The following CEP112 variants were observed in gnomAD, a reference collection of about 807,000 sequenced individuals.
CEP112 encodes centrosomal protein of 112 kDa.
A neutral mutation model predicts 153.0 loss-of-function variants in CEP112; 127 were observed. The ratio of observed to expected loss-of-function variants is 0.83; its 90% confidence interval spans 0.72 to 0.96. The LOEUF is 0.96. Ranked by LOEUF, CEP112 falls within the 40% of genes least tolerant of loss-of-function variation. CEP112 has a pLI of 0.00. For synonymous variants in CEP112, 358 were observed against 374.4 expected, an observed-to-expected ratio of 0.96 and a Z score of 0.51; for missense variants, 1,089 against 1,101.2, an observed-to-expected ratio of 0.99 and a Z score of 0.16.
chr17:65,685,415 T>C (rs2047730822), intron 24 of CEP112, among the ~76,000 whole-genome samples: 1 of 152,174 alleles, frequency 6.6e-6, no homozygotes, highest in African/African-American at 2.4e-5. Flanking sequence ...CCAGTTTCAA[T>C]TTTGATTCCT....
intron 10 of CEP112, among the ~76,000 whole-genome samples, chr17:66,065,469 G>C (rs1264966705): frequency 6.6e-6 from 1 of 151,606 alleles, no homozygotes. Flanking sequence ...CCATTACCAG[G>C]CTACTCCTCC....
intron 10 of CEP112, 31 bp from the exon 11 acceptor site, chr17:66,063,112 C>A: frequency 9.1e-7 from 1 of 1,098,606 alleles, no homozygotes; most frequent in Non-Finnish European, 1.3e-6. Context: ...ATAGTTAAAC[C>A]AATTCTAGGT....
At position 66,063,006 on chromosome 17, in the gene CEP112, CAT is replaced by C; in HGVS notation, c.1029_1030del (p.Ile343MetfsTer2). 1 of 1,600,016 alleles carries C rather than the reference CAT, an allele frequency of 6.2e-7. No individual in the cohort carries two copies. Among genetic ancestry groups the C allele is most frequent in the Non-Finnish European group, 8.5e-7 (1 of 1,173,308 alleles). ...ATTTAGAGATTCCGTACTTTGTTCA[CAT>C]ATCTTTTTCAGCTCTGCAATCTGGT... On this transcript the variant is annotated frameshift_variant, in exon 11 of 27. Transcript: ENST00000535342. LOFTEE classifies it high-confidence loss of function.
intron 19 of CEP112, among the ~76,000 whole-genome samples, chr17:65,917,163 C>T (rs992735349): frequency 6.6e-6 from 1 of 152,046 alleles, no homozygotes; most frequent in African/African-American, 2.4e-5. Flanking sequence ...GGTGCTTATT[C>T]AAAGAAGTAA....
rs2070937325 is a variant in CEP112, at chr17:66,146,779, C to T, written c.471-14016G>A. Among the ~76,000 whole-genome samples the T allele has an allele frequency of 4.6e-5, 7 of 152,100 alleles. No homozygotes were observed. In the South Asian group the frequency reaches 1.4e-3, roughly 31 times the overall value. ...TTAAACGGTATCTGTCTTTTTGTGA[C>T]TGGTTTATTCACTTAGCATAATGTC... On this transcript the variant is annotated intron_variant, in intron 4 of 26. Transcript: ENST00000535342.
intron 12 of CEP112, among the ~76,000 whole-genome samples, chr17:66,036,740 C>T (rs2065756426): frequency 6.6e-6 from 1 of 152,158 alleles, no homozygotes; most frequent in African/African-American, 2.4e-5. Flanking sequence ...AAACCTATTC[C>T]ACTGCATTAC....
intron 21 of CEP112, chr17:65,826,588 G>C (rs1326636429): frequency 2.4e-6 from 3 of 1,244,892 alleles, no homozygotes; most frequent in Admixed American, 8.3e-5. Context: ...TTGTGATTCT[G>C]GTCTCCCAGG....
At chr17:65,898,462 AG>A (rs1263789074) in intron 20 of CEP112, among the ~76,000 whole-genome samples, 2 of 152,176 alleles carry the variant, frequency 1.3e-5, no homozygotes, top group Non-Finnish European at 2.9e-5. Context: ...TTTTCTAAGT[AG>A]AAAAGAATTA....
chr17:66,129,713 C>G, intron 6 of CEP112, 33 bp downstream of exon 6: 1 of 1,414,828 alleles, frequency 7.1e-7, no homozygotes, highest in Non-Finnish European at 9.9e-7. Context: ...TTTGACACAT[C>G]TATATATACA....
chr17:66,137,786 C>A (rs1317794461), intron 4 of CEP112, among the ~76,000 whole-genome samples: 1 of 152,022 alleles, frequency 6.6e-6, no homozygotes, highest in Non-Finnish European at 1.5e-5. Flanking sequence ...GAGTTCATCA[C>A]CACTACACTT....
At chr17:65,816,341 G>T (rs565766108) in intron 21 of CEP112, among the ~76,000 whole-genome samples, 2 of 151,998 alleles carry the variant, frequency 1.3e-5, no homozygotes, top group East Asian at 3.9e-4. Flanking sequence ...TTGGTTACAT[G>T]AATAAGTTCT....
At chr17:65,722,327 C>A (rs1262791776) in intron 23 of CEP112, among the ~76,000 whole-genome samples, 1 of 152,160 alleles carries the variant, frequency 6.6e-6, no homozygotes, top group African/African-American at 2.4e-5. Flanking sequence ...TGGCTCACTG[C>A]AATCTCTGCC....
intron 21 of CEP112, among the ~76,000 whole-genome samples, chr17:65,828,760 C>A (rs1430007671): frequency 2.0e-5 from 3 of 151,884 alleles, no homozygotes; most frequent in African/African-American, 7.3e-5. Context: ...TCTTTGCACT[C>A]CTGGAATAAA....
intron 21 of CEP112, among the ~76,000 whole-genome samples, chr17:65,842,455 G>A (rs1350807596): frequency 6.6e-6 from 1 of 152,090 alleles, no homozygotes; most frequent in Non-Finnish European, 1.5e-5. Flanking sequence ...GGAGAAAGAG[G>A]AAAAGATTAT....
At chr17:65,659,682 G>C (rs2143796818) in intron 24 of CEP112, among the ~76,000 whole-genome samples, 1 of 152,222 alleles carries the variant, frequency 6.6e-6, no homozygotes, top group East Asian at 1.9e-4. Flanking sequence ...AGAATTTTTT[G>C]TTCAATTAAA....
rs1309509422 is a variant in CEP112 at position 66,081,921 on chromosome 17, A to G, written c.769-11920T>C. On this transcript the variant is annotated intron_variant, in intron 8 of 26. Transcript: ENST00000535342. ...CAGAGCAAGACTCCATCTCAGGGGGAAAAAAAGGCCTACTTGGCATTACAC... is the reference window on the plus strand; with the variant it reads ...CAGAGCAAGACTCCATCTCAGGGGGGAAAAAAGGCCTACTTGGCATTACAC... Among the ~76,000 whole-genome samples the G allele has an allele frequency of 9.9e-5, 15 of 152,176 alleles. No homozygotes were observed. In the East Asian group the frequency reaches 2.3e-3, roughly 24 times the overall value.
intron 24 of CEP112, among the ~76,000 whole-genome samples, chr17:65,660,473 TCC>T: frequency 2.7e-4 from 6 of 21,980 alleles, no homozygotes; most frequent in Non-Finnish European, 3.2e-4. Flanking sequence ...CTTCCTTCCT[TCC>T]TTCCTTCCTT....
At chr17:66,127,513 A>G (rs1056507809) in intron 6 of CEP112, among the ~76,000 whole-genome samples, 1 of 137,740 alleles carries the variant, frequency 7.3e-6, no homozygotes, top group African/African-American at 2.7e-5. Flanking sequence ...TTCTCTAGAA[A>G]ACTCCCAAAA....
intron 21 of CEP112, among the ~76,000 whole-genome samples, chr17:65,803,401 T>G (rs1371006145): frequency 9.9e-5 from 15 of 152,252 alleles, no homozygotes; most frequent in Non-Finnish European, 2.2e-4. Flanking sequence ...AGTGGAGATA[T>G]ATCAATATCC....
Sources: gnomAD v4.1 joint callset for allele counts (sites outside exome capture counted in the v4.1 genomes callset) on GRCh38, gnomAD v4.1.1 for gene constraint, MANE v1.5 for transcripts, NCBI Gene and HGNC (gene_info 2026-07-23, HGNC 2026-07-21) for gene names.